Variants in CRTAC1 observed in about 807,000 individuals in gnomAD.
CRTAC1 encodes cartilage acidic protein 1, also known as acidic secreted protein in cartilage.
Under a neutral mutation model 67.8 loss-of-function variants are expected in CRTAC1, and 37 were observed. The observed-to-expected ratio is 0.55, with a 90% confidence interval of 0.42 to 0.72. The LOEUF is 0.72. Ranked by LOEUF, CRTAC1 falls within the 30% of genes least tolerant of loss-of-function variation. The probability of loss-of-function intolerance (pLI) is 0.00; values close to 1 mark genes in which losing one functional copy is unlikely to be tolerated. For missense variants in CRTAC1, 780 were observed against 931.6 expected, an observed-to-expected ratio of 0.84 and a Z score of 2.12; for synonymous variants, 348 against 371.0, an observed-to-expected ratio of 0.94 and a Z score of 0.71.
intron 2 of CRTAC1, among the ~76,000 whole-genome samples, chr10:98,008,233 T>G (rs1842833002): frequency 6.6e-6 from 1 of 152,212 alleles, no homozygotes; most frequent in Non-Finnish European, 1.5e-5. Context: ...AGGAGAGCAA[T>G]GCAACCTGTG....
intron 2 of CRTAC1, among the ~76,000 whole-genome samples, chr10:97,953,111 C>G (rs1456329516): frequency 6.6e-6 from 1 of 152,090 alleles, no homozygotes; most frequent in African/African-American, 2.4e-5. Context: ...AAGCCCTCCC[C>G]CTTCCTCCTT....
intron 3 of CRTAC1, among the ~76,000 whole-genome samples, chr10:97,927,501 G>A (rs959634324): frequency 1.2e-4 from 18 of 152,206 alleles, no homozygotes; most frequent in Non-Finnish European, 2.9e-5. Flanking sequence ...TCCTTAGCAA[G>A]GTGCCATCCT....
intron 2 of CRTAC1, among the ~76,000 whole-genome samples, chr10:97,952,968 C>T (rs2051382609): frequency 6.6e-6 from 1 of 152,214 alleles, no homozygotes; most frequent in Admixed American, 6.5e-5. Flanking sequence ...CTCCATCCTT[C>T]CCAGTTCTGG....
In CRTAC1 at chr10:97,941,306, C is replaced by T. The variant is rs551433353; in HGVS notation, c.225-4940G>A. On this transcript the variant is annotated intron_variant, in intron 2 of 14. Transcript: ENST00000370597. Reference sequence around the variant, plus strand: ...CTCTGGCTTCCTCTCCTTTCCCCACCGTAATTCCTTCTTCCTCTCCCTTCC... The same window carrying T: ...CTCTGGCTTCCTCTCCTTTCCCCACTGTAATTCCTTCTTCCTCTCCCTTCC... Among the ~76,000 whole-genome samples the T allele has an allele frequency of 7.4e-4, 113 of 152,234 alleles. 2 individuals are homozygous for T. The highest frequency in any genetic ancestry group is 1.5e-3 in the African/African-American group (64 of 41,530).
intron 6 of CRTAC1, 74 bp downstream of exon 6, chr10:97,907,939 C>A: frequency 6.5e-7 from 1 of 1,537,546 alleles, no homozygotes; most frequent in South Asian, 1.2e-5. Context: ...CTGGAGGGGG[C>A]AGGGCAGTCT....
chr10:97,925,542 A>G (rs1249911940), intron 3 of CRTAC1, among the ~76,000 whole-genome samples: 2 of 146,248 alleles, frequency 1.4e-5, no homozygotes, highest in African/African-American at 5.1e-5. Context: ...AAGGAGTCAG[A>G]GTGAGTGTTG....
At chr10:97,982,182 T>C (rs1215535088) in intron 2 of CRTAC1, among the ~76,000 whole-genome samples, 2 of 152,326 alleles carry the variant, frequency 1.3e-5, no homozygotes, top group East Asian at 3.9e-4. Context: ...TAGCTAGTGT[T>C]AGAAGATGCT....
chr10:97,891,418 A>G (rs1403812473), intron 11 of CRTAC1, among the ~76,000 whole-genome samples: 2 of 152,110 alleles, frequency 1.3e-5, no homozygotes, highest in East Asian at 3.9e-4. Flanking sequence ...CTAAGCTCCT[A>G]CTGTCCTTCT....
intron 4 of CRTAC1, among the ~76,000 whole-genome samples, chr10:97,920,703 C>T (rs529611113): frequency 1.5e-4 from 23 of 152,318 alleles, no homozygotes; most frequent in African/African-American, 3.8e-4. Context: ...TCCTCGTCCT[C>T]GGGCAAATCC....
At chr10:98,008,020 C>T (rs980766081) in intron 2 of CRTAC1, among the ~76,000 whole-genome samples, 12 of 152,156 alleles carry the variant, frequency 7.9e-5, no homozygotes, top group African/African-American at 1.7e-4. Flanking sequence ...CCCACATTTA[C>T]GCACAGGGCT....
rs779482909 is a variant in CRTAC1, at chr10:97,904,753, GC to G, written c.911del (p.Gly304AlafsTer20). The G allele has an allele frequency of 6.2e-7, 1 of 1,607,700 alleles. No individual in the cohort carries two copies. Among genetic ancestry groups the G allele is most frequent in the South Asian group, 1.1e-5 (1 of 89,954 alleles). On this transcript the variant is annotated frameshift_variant, in exon 7 of 15. Transcript: ENST00000370597. LOFTEE classifies it high-confidence loss of function. ...GVALADFNRD[G>X]KVDIVYGNWN... ...AGTTGCCATAGACGATGTCCACTTTGCCATCACGGTTGAAGTCAGCCAGGGC... is the reference window on the plus strand; with the variant it reads ...AGTTGCCATAGACGATGTCCACTTTGCATCACGGTTGAAGTCAGCCAGGGC...
chr10:98,011,364 C>T (rs200029524), intron 1 of CRTAC1, 27 bp from the exon 2 acceptor site: 26 of 1,612,004 alleles, frequency 1.6e-5, no homozygotes, highest in South Asian at 3.3e-5. Flanking sequence ...CAAATGTTAC[C>T]GAAAGAACCT....
intron 2 of CRTAC1, among the ~76,000 whole-genome samples, chr10:97,990,356 G>A (rs1842419908): frequency 6.6e-6 from 1 of 152,176 alleles, no homozygotes; most frequent in African/African-American, 2.4e-5. Flanking sequence ...CTGAAATGTG[G>A]TCTTTTTGTC....
intron 14 of CRTAC1, chr10:97,866,947 C>T (rs1022902444): frequency 1.4e-4 from 22 of 152,206 alleles, no homozygotes; most frequent in African/African-American, 5.3e-4. Flanking sequence ...CCAGCCTGAC[C>T]CCCTGTAAGT....
chr10:97,881,886 C>T (rs2050219469), intron 13 of CRTAC1, among the ~76,000 whole-genome samples: 1 of 152,158 alleles, frequency 6.6e-6, no homozygotes, highest in Non-Finnish European at 1.5e-5. Context: ...GCTTGGACCT[C>T]ACTTTCTCTA....
intron 13 of CRTAC1, among the ~76,000 whole-genome samples, chr10:97,882,538 C>A (rs2050229252): frequency 6.6e-6 from 1 of 152,204 alleles, no homozygotes; most frequent in African/African-American, 2.4e-5. Context: ...TCTCGGTACT[C>A]ATGGCAGGAA....
chr10:97,940,449 G>A (rs1190777864), intron 2 of CRTAC1, among the ~76,000 whole-genome samples: 1 of 152,228 alleles, frequency 6.6e-6, no homozygotes, highest in Non-Finnish European at 1.5e-5. Flanking sequence ...GTGGGGCAAG[G>A]TCCCATGTTT....
At chr10:97,950,240 CACACACAGAG>C (rs1456851887) in intron 2 of CRTAC1, among the ~76,000 whole-genome samples, 4 of 104,128 alleles carry the variant, frequency 3.8e-5, no homozygotes, top group African/African-American at 1.1e-4. Flanking sequence ...CGTGCACACA[CACACACAGAG>C]AGAGAGAGAG....
chr10:98,005,252 G>A (rs1348309311), intron 2 of CRTAC1, among the ~76,000 whole-genome samples: 1 of 150,250 alleles, frequency 6.7e-6, no homozygotes, highest in Non-Finnish European at 1.5e-5. Flanking sequence ...TTATAGGCAC[G>A]TGCCACCACG....
Sources: allele counts gnomAD v4.1 joint callset (sites outside exome capture counted in the v4.1 genomes callset), GRCh38; gene constraint gnomAD v4.1.1; transcripts MANE v1.5; gene names NCBI Gene and HGNC (gene_info 2026-07-23, HGNC 2026-07-21).